LIPA: variants seen among roughly 807,000 people sequenced by gnomAD.
The protein encoded by LIPA is lipase A, lysosomal acid type, also known as lysosomal acid lipase/cholesteryl ester hydrolase.
LIPA carries 26 observed loss-of-function variants against 40.6 expected under a neutral mutation model. The observed-to-expected ratio is 0.64, with a 90% confidence interval of 0.47 to 0.89. The LOEUF (loss-of-function observed/expected upper bound fraction) is 0.89. Ranked by LOEUF, LIPA falls within the 40% of genes least tolerant of loss-of-function variation. LIPA has a pLI of 0.00. For synonymous variants in LIPA, 188 were observed against 168.4 expected, an observed-to-expected ratio of 1.12 and a Z score of -0.90; for missense variants, 455 against 479.6, an observed-to-expected ratio of 0.95 and a Z score of 0.48.
At chr10:89,260,311 T>C (rs1003926788) in intron 1 of LIPA, among the ~76,000 whole-genome samples, 1 of 152,130 alleles carries the variant, frequency 6.6e-6, no homozygotes, top group African/African-American at 2.4e-5. Context: ...CAGCAGTTCT[T>C]TGTGTGATAG....
intron 1 of LIPA, among the ~76,000 whole-genome samples, chr10:89,285,918 C>A (rs971459975): frequency 6.6e-6 from 1 of 151,958 alleles, no homozygotes; most frequent in Non-Finnish European, 1.5e-5. Flanking sequence ...AGGCAAACTT[C>A]CACCCTCCAT....
intron 2 of LIPA, chr10:89,392,473 C>CA (rs1006615227): frequency 5.4e-6 from 1 of 184,562 alleles, no homozygotes; most frequent in African/African-American, 5.3e-5. Context: ...CATTCCCCAC[C>CA]CCCCCCCGTC....
chr10:89,316,120 T>C (rs1364985242), intron 1 of LIPA, among the ~76,000 whole-genome samples: 1 of 152,064 alleles, frequency 6.6e-6, no homozygotes, highest in Non-Finnish European at 1.5e-5. Context: ...GATGGCCAAA[T>C]AGGAACAGCT....
At position 89,369,607 on chromosome 10, in the gene LIPA, A is replaced by C. The variant is rs147143058; in HGVS notation, c.61+43184T>G. Among the ~76,000 whole-genome samples, 259 of 152,378 alleles carry C rather than the reference A, an allele frequency of 1.7e-3. 5 individuals carry two copies. The East Asian group carries it at 0.042, about 25-fold the overall frequency. ...AGGAGGAAGATTAATGAAGAGAGTCATAAAAGAATATTCTATGGACAACAG... is the reference window on the plus strand; with the variant it reads ...AGGAGGAAGATTAATGAAGAGAGTCCTAAAAGAATATTCTATGGACAACAG... On this transcript the variant is annotated intron_variant, in intron 2 of 8. Coordinates refer to the LIPA transcript ENST00000371837.
intron 8 of LIPA, among the ~76,000 whole-genome samples, chr10:89,217,947 T>C (rs1342303381): frequency 6.6e-6 from 1 of 152,178 alleles, no homozygotes; most frequent in Admixed American, 6.5e-5. Flanking sequence ...GGTATGCCAC[T>C]GTCATAAATA....
rs569880935 is a variant in LIPA, at chr10:89,412,327, A to G, written c.61+464T>C. On this transcript the variant is annotated intron_variant, in intron 2 of 8. Coordinates refer to the LIPA transcript ENST00000371837. ...ACTCTGTGTGTAGCTAAAAGTTTGT[A>G]AACGCACCAATCAGCACTCTGTCAA... is the stretch of plus-strand genomic sequence containing the variant. Among the ~76,000 whole-genome samples the G allele has an allele frequency of 4.3e-3, 658 of 152,268 alleles. 1 individual carries two copies. Among genetic ancestry groups the G allele is most frequent in the Non-Finnish European group, 6.0e-3 (411 of 68,026 alleles).
At chr10:89,378,136 A>G (rs900196647) in intron 2 of LIPA, 7 of 1,614,012 alleles carry the variant, frequency 4.3e-6, no homozygotes, top group Non-Finnish European at 3.4e-6. Context: ...TCATAGCACC[A>G]TGAGGTAAAG....
intron 1 of LIPA, among the ~76,000 whole-genome samples, chr10:89,261,872 T>C (rs140282988): frequency 6.6e-6 from 1 of 152,216 alleles, no homozygotes; most frequent in African/African-American, 2.4e-5. Flanking sequence ...CTCCCCTCCC[T>C]ATCCCTGAAC....
chr10:89,403,456 C>A lies in LIPA; in HGVS notation c.61+9335G>T, dbSNP rs1283078710. 1 of 1,613,598 alleles carries A rather than the reference C, an allele frequency of 6.2e-7. No individual in the cohort carries two copies. The highest frequency in any genetic ancestry group is 1.7e-5 in the Admixed American group (1 of 59,970). The stretch of plus-strand genomic sequence containing the variant: ...CGGTTTCAGGAATTTCAAAAGAAAT[C>A]TGACGTCAATGCAATTATCCATTAT... On this transcript the variant is annotated intron_variant, in intron 2 of 8. Coordinates refer to the LIPA transcript ENST00000371837.
At chr10:89,296,089 A>G (rs1331499732) in intron 1 of LIPA, among the ~76,000 whole-genome samples, 1 of 152,246 alleles carries the variant, frequency 6.6e-6, no homozygotes, top group Non-Finnish European at 1.5e-5. Flanking sequence ...GTTTTCTTGA[A>G]TACTGAGTTC....
At chr10:89,395,618 T>A (rs7924077) in intron 2 of LIPA, among the ~76,000 whole-genome samples, 5,165 of 152,282 alleles carry the variant, frequency 0.034, 301 homozygotes, top group African/African-American at 0.12. Context: ...CAAGGGCATC[T>A]GCCTGATATA....
intron 1 of LIPA, among the ~76,000 whole-genome samples, chr10:89,303,088 T>G (rs1470459553): frequency 6.6e-6 from 1 of 152,238 alleles, no homozygotes; most frequent in Non-Finnish European, 1.5e-5. Context: ...ACCCTTTTCT[T>G]ATTTCTTAGA....
At chr10:89,326,121 A>G (rs1009018185) in intron 1 of LIPA, among the ~76,000 whole-genome samples, 1 of 152,216 alleles carries the variant, frequency 6.6e-6, no homozygotes. Flanking sequence ...CAGTACATCA[A>G]AGAGATATCT....
intron 1 of LIPA, among the ~76,000 whole-genome samples, chr10:89,261,077 T>C (rs549926402): frequency 3.5e-4 from 53 of 152,318 alleles, no homozygotes; most frequent in African/African-American, 1.3e-3. Context: ...ATTAACGACA[T>C]GTATGGACAC....
Position 89,307,192 on chromosome 10 carries a change from A to G in LIPA, c.-2+35419T>C, listed in dbSNP as rs747734863. 8 of 1,614,100 alleles carry G rather than the reference A, an allele frequency of 5.0e-6. No individual in the cohort carries two copies. In the South Asian group the frequency reaches 6.6e-5, roughly 13 times the overall value. The stretch of plus-strand genomic sequence containing the variant: ...AATCAAGGGAGAAAGAAAAGATGAA[A>G]GACAAACTGCAAAAAATTGCCAAAA... On this transcript the variant is annotated intron_variant, in intron 1 of 5. Coordinates refer to the LIPA transcript ENST00000282673.
chr10:89,347,388 T>A (rs922972088), upstream of LIPA, among the ~76,000 whole-genome samples: 1 of 152,206 alleles, frequency 6.6e-6, no homozygotes, highest in Non-Finnish European at 1.5e-5. Context: ...ATAAACTCCA[T>A]CATTTGCATA....
intron 1 of LIPA, among the ~76,000 whole-genome samples, chr10:89,279,762 C>T (rs1226879311): frequency 1.3e-5 from 2 of 152,226 alleles, no homozygotes; most frequent in East Asian, 3.9e-4. Flanking sequence ...ACACACTGTA[C>T]TTAAGTAAGG....
At chr10:89,294,134 C>T (rs1488283637) in intron 1 of LIPA, among the ~76,000 whole-genome samples, 1 of 152,206 alleles carries the variant, frequency 6.6e-6, no homozygotes, top group African/African-American at 2.4e-5. Context: ...ATTGTCCCAG[C>T]AGAAGTTTAT....
chr10:89,231,168 G>A (rs916817842), intron 3 of LIPA, among the ~76,000 whole-genome samples: 5 of 152,184 alleles, frequency 3.3e-5, no homozygotes, highest in African/African-American at 4.8e-5. Flanking sequence ...CAAAATTAAT[G>A]TACACCAAAG....
Sources: gnomAD v4.1 joint callset for allele counts (sites outside exome capture counted in the v4.1 genomes callset) on GRCh38, gnomAD v4.1.1 for gene constraint, MANE v1.5 for transcripts, NCBI Gene and HGNC (gene_info 2026-07-23, HGNC 2026-07-21) for gene names.